Variants in PPP6R2 observed in about 807,000 individuals in gnomAD.
PPP6R2 encodes serine/threonine-protein phosphatase 6 regulatory subunit 2.
PPP6R2 carries 62 observed loss-of-function variants against 100.2 expected under a neutral mutation model. That is an observed-to-expected ratio of 0.62 (90% CI 0.50 to 0.76). The LOEUF (loss-of-function observed/expected upper bound fraction) is 0.76. Among genes scored for constraint, PPP6R2 ranks in the 30% least tolerant of loss-of-function variants. The pLI, the probability that PPP6R2 is intolerant of heterozygous loss-of-function variation, is 0.00. For missense variants in PPP6R2, 1,142 were observed against 1,276.3 expected (o/e 0.89, Z 1.60); for synonymous variants, 525 against 514.7 (o/e 1.02, Z -0.27).
chr22:50,391,681 A>G (rs1369580036), intron 2 of PPP6R2, among the ~76,000 whole-genome samples: 1 of 149,518 alleles, frequency 6.7e-6, no homozygotes, highest in African/African-American at 2.4e-5. Context: ...AAATGGTTGA[A>G]TTTATGTCTG....
At chr22:50,347,267 A>G (rs2043992231) in intron 1 of PPP6R2, among the ~76,000 whole-genome samples, 1 of 151,912 alleles carries the variant, frequency 6.6e-6, no homozygotes, top group African/African-American at 2.4e-5. Flanking sequence ...CCCACCTGTC[A>G]GTGTCTCCCC....
At chr22:50,440,134 G>T in intron 21 of PPP6R2, 85 bp downstream of exon 21, 1 of 1,310,018 alleles carries the variant, frequency 7.6e-7, no homozygotes. Context: ...GGGGCAGTGG[G>T]AGGAGGTGGC....
intron 1 of PPP6R2, among the ~76,000 whole-genome samples, chr22:50,361,282 TTGCTC>T (rs1271154205): frequency 1.3e-5 from 2 of 152,212 alleles, no homozygotes; most frequent in African/African-American, 4.8e-5. Context: ...AACATGGGCT[TTGCTC>T]TCAGCCAAAC....
intron 2 of PPP6R2, among the ~76,000 whole-genome samples, chr22:50,377,349 G>A (rs1437568997): frequency 6.6e-6 from 1 of 152,148 alleles, no homozygotes; most frequent in Non-Finnish European, 1.5e-5. Context: ...CAGCTACTTG[G>A]GAGGCTGAGG....
chr22:50,414,303 G>A (rs373123093), intron 4 of PPP6R2, among the ~76,000 whole-genome samples: 14 of 137,866 alleles, frequency 1.0e-4, no homozygotes, highest in African/African-American at 3.7e-4. Context: ...TCCTGTCGGT[G>A]CAGAGCCACA....
chr22:50,362,320 T>A (rs2047950390), intron 1 of PPP6R2, among the ~76,000 whole-genome samples: 1 of 152,236 alleles, frequency 6.6e-6, no homozygotes, highest in Admixed American at 6.5e-5. Context: ...GAGCCTGGCG[T>A]GGGCCTGACA....
chr22:50,419,784 C>T (rs1003259325), intron 8 of PPP6R2, among the ~76,000 whole-genome samples: 14 of 152,144 alleles, frequency 9.2e-5, no homozygotes, highest in African/African-American at 3.1e-4. Context: ...CCACAGCTCC[C>T]GTGTGTGTTT....
intron 1 of PPP6R2, among the ~76,000 whole-genome samples, chr22:50,359,762 C>T (rs1354406854): frequency 1.3e-5 from 2 of 152,002 alleles, no homozygotes; most frequent in Admixed American, 6.6e-5. Flanking sequence ...TTACATCTAC[C>T]TTCTTAAGAA....
At chr22:50,442,572 CAG>C (rs200943235) in intron 22 of PPP6R2, among the ~76,000 whole-genome samples, 15,397 of 138,612 alleles carry the variant, frequency 0.11, 1,231 homozygotes, top group East Asian at 0.44. Flanking sequence ...TTGTTTGAGA[CAG>C]AGTCTTGCTC....
chr22:50,390,767 G>A (rs911048421), intron 2 of PPP6R2, among the ~76,000 whole-genome samples: 6 of 151,602 alleles, frequency 4.0e-5, no homozygotes, highest in Middle Eastern at 3.5e-3. Flanking sequence ...TTGGGAGGCC[G>A]AGGCGGACAG....
At position 50,436,989 on chromosome 22, in the gene PPP6R2, T is replaced by G; in HGVS notation, c.1604T>G (p.Val535Gly). ...CACCCCATCTGGCCTGTGTTTTAGG[T>G]GAGCACTCACCACCTTCACTCCTCA... ...ETNRRNTVDL[V>G]STHHLHSSSE... Residue 535 changes from valine to glycine, a missense_variant and splice_region_variant, in exon 15 of 24, where the codon GTG (valine) becomes GGG (glycine). By Grantham distance (109) the Val-to-Gly change is moderately radical. Around this residue, in one of 2 missense-constraint regions of PPP6R2, gnomAD observed 592 missense variants for 758.9 expected, o/e 0.78. Transcript: ENST00000612753. The G allele has an allele frequency of 6.4e-7, 1 of 1,555,336 alleles. No individual in the cohort carries two copies.
intron 1 of PPP6R2, among the ~76,000 whole-genome samples, chr22:50,362,195 G>T (rs951707705): frequency 2.6e-5 from 4 of 152,182 alleles, no homozygotes; most frequent in African/African-American, 9.7e-5. Context: ...CATAATGCTG[G>T]CCATCTCTGT....
intron 3 of PPP6R2, among the ~76,000 whole-genome samples, chr22:50,403,878 A>C (rs544714217): frequency 2.0e-5 from 3 of 151,936 alleles, no homozygotes; most frequent in Non-Finnish European, 4.4e-5. Flanking sequence ...GTCGGCTGCC[A>C]GGCCTGGCCA....
At chr22:50,355,449 A>G (rs531299412) in intron 1 of PPP6R2, among the ~76,000 whole-genome samples, 1 of 150,480 alleles carries the variant, frequency 6.6e-6, no homozygotes, top group Non-Finnish European at 1.5e-5. Context: ...TGTGGTCTCG[A>G]TCTCCTAACC....
Position 50,403,871 on chromosome 22 carries a change from G to A in PPP6R2, c.228-2818G>A, listed in dbSNP as rs1371394045. ...GTTTCTTCCCCTTCCACACTTGGTC[G>A]GCTGCCAGGCCTGGCCAGCTGTTTC... On this transcript the variant is annotated intron_variant, in intron 3 of 23. Transcript: ENST00000612753. Among the ~76,000 whole-genome samples, 6 of 152,034 alleles carry A rather than the reference G, an allele frequency of 3.9e-5. No homozygotes were observed. The East Asian group carries it at 5.8e-4, about 15-fold the overall frequency.
chr22:50,438,736 C>A lies in PPP6R2; in HGVS notation c.2102C>A (p.Ala701Glu). Reference sequence around the variant, plus strand: ...CCACCGGCCCCCGGGAAGAAGGAAGCGCCCCCTGTGGAGGGTGACTCAGAA... The same window carrying A: ...CCACCGGCCCCCGGGAAGAAGGAAGAGCCCCCTGTGGAGGGTGACTCAGAA... The part of the protein sequence containing the change: ...GAPPAPGKKE[A>E]PPVEGDSEGA... The change falls in exon 19 of 24, where the codon GCG becomes GAG. Residue 701 changes from alanine (A) to glutamate (E), a missense_variant. Transcript: ENST00000612753. 6.2e-7 allele frequency: 1 copy of A among 1,605,944 alleles called. No homozygotes were observed. Among genetic ancestry groups the A allele is most frequent in the South Asian group, 1.1e-5 (1 of 90,220 alleles).
intron 5 of PPP6R2, 31 bp downstream of exon 5, chr22:50,414,720 G>A (rs771620800): frequency 1.2e-6 from 2 of 1,600,364 alleles, no homozygotes; most frequent in Non-Finnish European, 1.7e-6. Flanking sequence ...CCGTTCCCGA[G>A]GGCAGGGGTG....
intron 2 of PPP6R2, among the ~76,000 whole-genome samples, chr22:50,391,456 A>AAAAAAAG (rs2055524212): frequency 2.0e-5 from 3 of 149,406 alleles, no homozygotes; most frequent in Non-Finnish European, 3.0e-5. Context: ...AAAAAAAAAA[A>AAAAAAAG]TGTAAACATT....
rs796071225 is a variant in PPP6R2 at position 50,359,003 on chromosome 22, C to G, written c.-147-13017C>G. ...TGTAAAAGAACCGCCCCCCCCCCCC[C>G]CCCAACTCTTTTTTTGAGACGGAGT... On this transcript the variant is annotated intron_variant, in intron 1 of 23. Coordinates refer to ENST00000612753, the MANE Select transcript of PPP6R2 (RefSeq NM_001242898.2). Among the ~76,000 whole-genome samples, 42 of 87,314 alleles carry G rather than the reference C, an allele frequency of 4.8e-4. 1 individual carries two copies. The South Asian group carries it at 0.018, about 38-fold the overall frequency. 57.3% of individuals were successfully genotyped at this position (87,314 alleles called of 152,430 possible). A position where few individuals can be genotyped will look rare whatever the true frequency, so the allele number is the denominator to read the frequency against.
Sources: gnomAD v4.1 joint callset for allele counts (sites outside exome capture counted in the v4.1 genomes callset) on GRCh38, gnomAD v4.1.1 for gene constraint, gnomAD v4.1.1 regional missense constraint, MANE v1.5 for transcripts, NCBI Gene and HGNC (gene_info 2026-07-23, HGNC 2026-07-21) for gene names.